The following RANBP17 variants were observed in gnomAD, a reference collection of about 807,000 sequenced individuals.
The protein encoded by RANBP17 is ran-binding protein 17.
A neutral mutation model predicts 141.2 loss-of-function variants in RANBP17; 158 were observed. The observed-to-expected ratio is 1.12, with a 90% CI of 0.98 to 1.28. The LOEUF (loss-of-function observed/expected upper bound fraction) is 1.28, where lower values mean the gene tolerates loss of function less well. RANBP17 is among the 50% of genes most tolerant of loss of function. RANBP17 has a pLI of 0.00. For missense variants in RANBP17, 1,438 were observed against 1,290.7 expected (o/e 1.11, Z -1.75); for synonymous variants, 430 against 450.0 (o/e 0.96, Z 0.56).
intron 24 of RANBP17, among the ~76,000 whole-genome samples, chr5:171,246,121 T>G (rs909927060): frequency 6.6e-6 from 1 of 152,158 alleles, no homozygotes; most frequent in African/African-American, 2.4e-5. Context: ...CCTCAAGTGA[T>G]CCACCCACCT....
chr5:171,001,979 C>G (rs1218689499), intron 14 of RANBP17, among the ~76,000 whole-genome samples: 4 of 151,834 alleles, frequency 2.6e-5, no homozygotes, highest in Non-Finnish European at 5.9e-5. Context: ...ATTTGCTGGT[C>G]CTGGGCAGGG....
chr5:171,116,364 A>G (rs1024724242), intron 14 of RANBP17, among the ~76,000 whole-genome samples: 2 of 152,114 alleles, frequency 1.3e-5, no homozygotes, highest in African/African-American at 4.8e-5. Context: ...GTGATTTGAA[A>G]ACTTTATGTT....
At chr5:171,071,863 T>C (rs77996289) in intron 14 of RANBP17, among the ~76,000 whole-genome samples, 4,082 of 152,164 alleles carry the variant, frequency 0.027, 178 homozygotes, top group African/African-American at 0.092. Flanking sequence ...ATTAAAACTT[T>C]TTTGAGAAAT....
chr5:171,216,093 G>T (rs1456006108), intron 21 of RANBP17, among the ~76,000 whole-genome samples: 1 of 152,096 alleles, frequency 6.6e-6, no homozygotes, highest in Admixed American at 6.5e-5. Flanking sequence ...TAAGGTGTAA[G>T]GGGTCCAGTT....
intron 19 of RANBP17, among the ~76,000 whole-genome samples, chr5:171,202,562 A>G (rs1762355323): frequency 6.6e-6 from 1 of 152,222 alleles, no homozygotes; most frequent in African/African-American, 2.4e-5. Context: ...ACAGCACTTT[A>G]ACAGAATGAT....
intron 2 of RANBP17, among the ~76,000 whole-genome samples, chr5:170,880,793 ATCTTT>A (rs773549005): frequency 6.6e-6 from 1 of 152,214 alleles, no homozygotes; most frequent in African/African-American, 2.4e-5. Flanking sequence ...GTCCATTTTT[ATCTTT>A]TCTTATTTCG....
At chr5:171,021,004 A>G (rs1272835136) in intron 14 of RANBP17, among the ~76,000 whole-genome samples, 1 of 152,150 alleles carries the variant, frequency 6.6e-6, no homozygotes, top group African/African-American at 2.4e-5. Flanking sequence ...CTTGTCTGAA[A>G]TGGATTTTAT....
At chr5:171,066,348 C>G (rs985546184) in intron 14 of RANBP17, among the ~76,000 whole-genome samples, 8 of 152,130 alleles carry the variant, frequency 5.3e-5, no homozygotes, top group Non-Finnish European at 1.2e-4. Context: ...CCCTGGTAAC[C>G]ACTATTCTGC....
At chr5:170,937,601 A>G (rs991612626) in intron 12 of RANBP17, among the ~76,000 whole-genome samples, 1 of 152,244 alleles carries the variant, frequency 6.6e-6, no homozygotes, top group African/African-American at 2.4e-5. Flanking sequence ...TTGCAACAAC[A>G]TGCTAGAGTA....
Position 171,277,637 on chromosome 5 carries a change from GTATATATA to G in RANBP17, c.2943+11814_2943+11821del, listed in dbSNP as rs70982330. Reference sequence around the variant, plus strand: ...GTGCCTTACGTATACATATATGTATGTATATATATATATATATATATATATATATATTT... The same window carrying G: ...GTGCCTTACGTATACATATATGTATGTATATATATATATATATATATATTT... On this transcript the variant is annotated intron_variant, in intron 25 of 27. Coordinates refer to ENST00000523189, the MANE Select transcript of RANBP17 (RefSeq NM_022897.5). Among the ~76,000 whole-genome samples the G allele has an allele frequency of 7.6e-3, 435 of 56,924 alleles. 33 individuals are homozygous for G. The highest frequency in any genetic ancestry group is 0.021 in the African/African-American group (356 of 17,226). 37.3% of individuals were successfully genotyped at this position (56,924 alleles called of 152,430 possible).
intron 13 of RANBP17, among the ~76,000 whole-genome samples, chr5:170,964,401 TTTA>T (rs1367239335): frequency 2.6e-5 from 4 of 152,108 alleles, no homozygotes; most frequent in South Asian, 2.1e-4. Context: ...TGTTGTTAAT[TTTA>T]TTATTATTAT....
At chr5:171,036,838 A>C (rs1781912630) in intron 14 of RANBP17, among the ~76,000 whole-genome samples, 1 of 152,196 alleles carries the variant, frequency 6.6e-6, no homozygotes, top group Non-Finnish European at 1.5e-5. Flanking sequence ...CCAGTCCATC[A>C]TTGATGAACA....
At chr5:171,267,431 A>T (rs905637617) in intron 25 of RANBP17, among the ~76,000 whole-genome samples, 1 of 152,028 alleles carries the variant, frequency 6.6e-6, no homozygotes, top group African/African-American at 2.4e-5. Context: ...TACATCCATA[A>T]TAGTTTGTAA....
At chr5:170,893,685 C>T (rs1431047209) in intron 4 of RANBP17, among the ~76,000 whole-genome samples, 2 of 151,658 alleles carry the variant, frequency 1.3e-5, no homozygotes, top group African/African-American at 4.8e-5. Flanking sequence ...CCCAGCTACT[C>T]GGGAGGCTGA....
chr5:171,127,241 A>G (rs757847309), intron 14 of RANBP17, among the ~76,000 whole-genome samples: 7 of 152,268 alleles, frequency 4.6e-5, no homozygotes, highest in Non-Finnish European at 8.8e-5. Context: ...ACCTCTCAAT[A>G]GATGCAGAAA....
At chr5:171,297,627 T>C (rs1561838224) in intron 27 of RANBP17, among the ~76,000 whole-genome samples, 2 of 151,210 alleles carry the variant, frequency 1.3e-5, no homozygotes, top group Admixed American at 6.6e-5. Context: ...CAGATGAGAG[T>C]TGAATGGGGA....
At chr5:171,030,292 A>G (rs574779882) in intron 14 of RANBP17, among the ~76,000 whole-genome samples, 2 of 152,190 alleles carry the variant, frequency 1.3e-5, no homozygotes, top group South Asian at 4.1e-4. Flanking sequence ...TTTTTAAAGC[A>G]TTCATTATTT....
At chr5:170,867,482 C>G (rs1334634332) in intron 1 of RANBP17, among the ~76,000 whole-genome samples, 1 of 151,644 alleles carries the variant, frequency 6.6e-6, no homozygotes, top group Non-Finnish European at 1.5e-5. Context: ...TCCAAGAGAT[C>G]CAGATAAAAG....
chr5:170,934,165 G>A (rs1012479845), intron 12 of RANBP17, among the ~76,000 whole-genome samples: 2 of 152,124 alleles, frequency 1.3e-5, no homozygotes, highest in Non-Finnish European at 2.9e-5. Flanking sequence ...TTACCATTAC[G>A]TAATGCCCTT....
Sources: gnomAD v4.1 joint callset for allele counts (sites outside exome capture counted in the v4.1 genomes callset) on GRCh38, gnomAD v4.1.1 for gene constraint, MANE v1.5 for transcripts, NCBI Gene and HGNC (gene_info 2026-07-23, HGNC 2026-07-21) for gene names.